Variants in MYT1L observed in about 807,000 individuals in gnomAD.
MYT1L encodes the protein myelin transcription factor 1-like protein.
Under a neutral mutation model 126.7 loss-of-function variants are expected in MYT1L, and 12 were observed. The ratio of observed to expected loss-of-function variants is 0.09; its 90% confidence interval spans 0.06 to 0.15. The LOEUF (loss-of-function observed/expected upper bound fraction) is 0.15. Ranked by LOEUF, MYT1L falls within the 10% of genes least tolerant of loss-of-function variation. MYT1L has a pLI of 1.00. For synonymous variants in MYT1L, 541 were observed against 604.2 expected, an observed-to-expected ratio of 0.90 and a Z score of 1.53; for missense variants, 979 against 1,585.2, an observed-to-expected ratio of 0.62 and a Z score of 6.49.
chr2:1,791,260 C>T lies in MYT1L; in HGVS notation c.*607G>A. ...TTTATTGCCCCCACCATACACCATCCTCCTAAAACAAACAAACAAAAAAGT... is the reference window on the plus strand; with the variant it reads ...TTTATTGCCCCCACCATACACCATCTTCCTAAAACAAACAAACAAAAAAGT... On this transcript the variant is annotated 3_prime_UTR_variant, in exon 25 of 25. Coordinates refer to ENST00000647738, the MANE Select transcript of MYT1L (RefSeq NM_001303052.2). This position sits in a 1 kb window ranked among gnomAD's most constrained non-coding sequence, Gnocchi z 6.0. The T allele has an allele frequency of 2.1e-6, 1 of 469,482 alleles. No individual in the cohort carries two copies. Among genetic ancestry groups the T allele is most frequent in the Non-Finnish European group, 4.4e-6 (1 of 226,686 alleles). 29.1% of individuals were successfully genotyped at this position (469,482 alleles called of 1,614,324 possible).
At chr2:2,306,587 G>A (rs2095862394) in intron 1 of MYT1L, among the ~76,000 whole-genome samples, 1 of 152,026 alleles carries the variant, frequency 6.6e-6, no homozygotes, top group Admixed American at 6.6e-5. Context: ...AAATATCGAG[G>A]TACCCTACAT....
intron 3 of MYT1L, among the ~76,000 whole-genome samples, chr2:2,159,988 A>G (rs2087569991): frequency 6.6e-6 from 1 of 152,080 alleles, no homozygotes; most frequent in African/African-American, 2.4e-5. Flanking sequence ...CTGTCACGTA[A>G]CAGCTGTGTG....
intron 3 of MYT1L, among the ~76,000 whole-genome samples, chr2:2,094,935 C>G (rs2077284310): frequency 6.6e-6 from 1 of 152,178 alleles, no homozygotes; most frequent in African/African-American, 2.4e-5. Context: ...AAAAGATTAT[C>G]AGAAACTAGA....
intron 21 of MYT1L, chr2:1,827,944 G>A (rs1487595278): frequency 6.6e-6 from 1 of 152,242 alleles, no homozygotes; most frequent in East Asian, 1.9e-4. Flanking sequence ...TGAGCTGCAT[G>A]CTTGCTGTGG....
chr2:2,111,283 C>T (rs2079420824), intron 3 of MYT1L, among the ~76,000 whole-genome samples: 1 of 152,176 alleles, frequency 6.6e-6, no homozygotes, highest in Non-Finnish European at 1.5e-5. Context: ...TCCTTGGCAT[C>T]CCCGCCTGGT....
At chr2:1,956,579 TCTATCTATCTA>T (rs1558533960) in intron 8 of MYT1L, among the ~76,000 whole-genome samples, 57 of 102,100 alleles carry the variant, frequency 5.6e-4, no homozygotes, top group African/African-American at 1.7e-3. Context: ...TCCTATTCTA[TCTATCTATCTA>T]TCTATCTATC....
At chr2:1,814,047 A>AG in intron 21 of MYT1L, among the ~76,000 whole-genome samples, 1 of 149,394 alleles carries the variant, frequency 6.7e-6, no homozygotes, top group African/African-American at 2.5e-5. Flanking sequence ...AAAAAAAGAA[A>AG]GAAAAATTAG....
intron 18 of MYT1L, among the ~76,000 whole-genome samples, chr2:1,874,179 C>G (rs529905950): frequency 7.3e-6 from 1 of 137,922 alleles, no homozygotes; most frequent in African/African-American, 3.2e-5. Context: ...GTGTGGAAAA[C>G]AGGAAACGCT....
chr2:2,232,842 G>C (rs984297631), intron 2 of MYT1L, among the ~76,000 whole-genome samples: 1 of 152,212 alleles, frequency 6.6e-6, no homozygotes, highest in African/African-American at 2.4e-5. Flanking sequence ...GCTGTGACCT[G>C]CCCTCAGGCC....
chr2:2,079,460 A>G (rs1575029517), intron 3 of MYT1L, among the ~76,000 whole-genome samples: 1 of 152,220 alleles, frequency 6.6e-6, no homozygotes, highest in African/African-American at 2.4e-5. Flanking sequence ...TTTCAATGAA[A>G]TTGCTAAGTT....
At position 1,793,424 on chromosome 2, in the gene MYT1L, G is replaced by T. The variant is rs974362221; in HGVS notation, c.3277-960C>A. On this transcript the variant is annotated intron_variant, in intron 23 of 24. Transcript: ENST00000647738. The surrounding 1 kb of genome is among the most constrained non-coding windows in gnomAD (Gnocchi z 4.6). ...TCTTCCTGGAAGACCGGGCCGACCC[G>T]CAGAGTCCAGGGCTGGCTTGCCTGG... 2.0e-4 allele frequency among the ~76,000 whole-genome samples: 31 copies of T among 152,280 alleles called. No individual in the cohort carries two copies. Among genetic ancestry groups the T allele is most frequent in the Admixed American group, 7.8e-4 (12 of 15,304 alleles).
At chr2:2,217,699 AC>A (rs1328211772) in intron 2 of MYT1L, among the ~76,000 whole-genome samples, 1,252 of 102,826 alleles carry the variant, frequency 0.012, 74 homozygotes, top group African/African-American at 0.052. Flanking sequence ...AACAACAACA[AC>A]AACAACAAAA....
intron 3 of MYT1L, among the ~76,000 whole-genome samples, chr2:2,138,092 C>T (rs1365852061): frequency 5.9e-5 from 9 of 152,192 alleles, no homozygotes; most frequent in Admixed American, 1.3e-4. Context: ...TGAAAAAATG[C>T]TCACCATCAC....
At chr2:2,197,165 T>C (rs530191511) in intron 2 of MYT1L, among the ~76,000 whole-genome samples, 185 of 152,280 alleles carry the variant, frequency 1.2e-3, no homozygotes, top group African/African-American at 4.0e-3. Context: ...TGAACAAATA[T>C]GGCTGAGAAA....
chr2:2,230,510 T>C (rs753048611), intron 2 of MYT1L, among the ~76,000 whole-genome samples: 1 of 152,236 alleles, frequency 6.6e-6, no homozygotes, highest in Non-Finnish European at 1.5e-5. Context: ...ATTATGGGTC[T>C]TGCTGAGTTA....
intron 3 of MYT1L, among the ~76,000 whole-genome samples, chr2:2,077,584 A>G (rs998173890): frequency 6.6e-6 from 1 of 152,198 alleles, no homozygotes; most frequent in Non-Finnish European, 1.5e-5. Context: ...TGCAAGCAAT[A>G]ACTAAAAGAG....
intron 18 of MYT1L, among the ~76,000 whole-genome samples, chr2:1,879,996 A>G (rs2047338107): frequency 6.6e-6 from 1 of 152,222 alleles, no homozygotes. Context: ...CTGAATTTAA[A>G]ATGTTCCAAA....
At chr2:2,180,403 G>T (rs373597555) in intron 2 of MYT1L, among the ~76,000 whole-genome samples, 1 of 151,842 alleles carries the variant, frequency 6.6e-6, no homozygotes, top group Non-Finnish European at 1.5e-5. Flanking sequence ...GAAAGAAGAC[G>T]AGAGAGCAAG....
intron 3 of MYT1L, among the ~76,000 whole-genome samples, chr2:2,161,410 G>A (rs1277389751): frequency 6.6e-6 from 1 of 152,200 alleles, no homozygotes; most frequent in Non-Finnish European, 1.5e-5. Flanking sequence ...ATGCTCACTT[G>A]GATTTGCTTC....
Sources: gnomAD v4.1 joint callset for allele counts (sites outside exome capture counted in the v4.1 genomes callset) on GRCh38, gnomAD v4.1.1 for gene constraint, Gnocchi (gnomAD v3.1) non-coding constraint, MANE v1.5 for transcripts, NCBI Gene and HGNC (gene_info 2026-07-23, HGNC 2026-07-21) for gene names.